The following CPNE8 variants were observed in gnomAD, a reference collection of about 807,000 sequenced individuals.
The protein encoded by CPNE8 is copine-8.
Under a neutral mutation model 81.5 loss-of-function variants are expected in CPNE8, and 45 were observed. The ratio of observed to expected loss-of-function variants is 0.55; its 90% CI spans 0.44 to 0.71. The LOEUF (loss-of-function observed/expected upper bound fraction) is 0.71, where lower values mean the gene tolerates loss of function less well. Ranked by LOEUF, CPNE8 falls within the 30% of genes least tolerant of loss-of-function variation. The pLI, the probability that CPNE8 is intolerant of heterozygous loss-of-function variation, is 0.00. For missense variants in CPNE8, 594 were observed against 672.1 expected (o/e 0.88, Z 1.28); for synonymous variants, 252 against 226.3 (o/e 1.11, Z -1.02).
chr12:38,865,092 C>T (rs529700977), intron 3 of CPNE8, among the ~76,000 whole-genome samples: 2 of 152,140 alleles, frequency 1.3e-5, no homozygotes, highest in East Asian at 1.9e-4. Flanking sequence ...TAGTAATCAT[C>T]GGCAAATCAA....
intron 3 of CPNE8, among the ~76,000 whole-genome samples, chr12:38,867,607 T>C (rs1434592644): frequency 1.3e-5 from 2 of 152,202 alleles, no homozygotes; most frequent in Non-Finnish European, 2.9e-5. Context: ...AATTCTATAA[T>C]TTTAAATGTT....
chr12:38,723,902 G>A, intron 12 of CPNE8, 69 bp from the exon 13 acceptor site: 1 of 861,930 alleles, frequency 1.2e-6, no homozygotes, highest in Non-Finnish European at 1.9e-6. Flanking sequence ...CTAATTATTA[G>A]AGAGAAAATC....
At chr12:38,811,891 G>T (rs761674244) in intron 6 of CPNE8, among the ~76,000 whole-genome samples, 3 of 152,124 alleles carry the variant, frequency 2.0e-5, no homozygotes, top group Non-Finnish European at 4.4e-5. Flanking sequence ...TGTATGTAGT[G>T]CTTACCCTTT....
intron 10 of CPNE8, among the ~76,000 whole-genome samples, chr12:38,731,768 A>T (rs1287805153): frequency 2.0e-5 from 3 of 151,976 alleles, no homozygotes; most frequent in Admixed American, 2.0e-4. Context: ...ATCACAAAAC[A>T]GCACTTTAGT....
intron 5 of CPNE8, among the ~76,000 whole-genome samples, chr12:38,831,761 G>T (rs1452356900): frequency 6.6e-6 from 1 of 152,094 alleles, no homozygotes; most frequent in African/African-American, 2.4e-5. Flanking sequence ...ATGACAGCTA[G>T]AAAGAACTGA....
intron 7 of CPNE8, among the ~76,000 whole-genome samples, chr12:38,774,648 T>G (rs997711749): frequency 1.3e-5 from 2 of 152,182 alleles, no homozygotes; most frequent in African/African-American, 4.8e-5. Context: ...TAGTTCACAT[T>G]TTTTGGTTTA....
chr12:38,821,699 T>C (rs1197101626), intron 6 of CPNE8, among the ~76,000 whole-genome samples: 1 of 152,218 alleles, frequency 6.6e-6, no homozygotes, highest in Non-Finnish European at 1.5e-5. Flanking sequence ...TCTTCATCTG[T>C]ATGACTTTAG....
rs748175765 is a variant in CPNE8, at chr12:38,848,670, AAG to A, written c.187-10_187-9del. ...TACTTCAGTTCTTCCAAACTGTGGA[AAG>A]AGAGAGAGAATTTAAAATTAAACCT... On this transcript the variant is annotated splice_polypyrimidine_tract_variant and intron_variant, in intron 3 of 19. Coordinates refer to ENST00000331366, the MANE Select transcript of CPNE8 (RefSeq NM_153634.3). The A allele has an allele frequency of 7.6e-6, 12 of 1,579,832 alleles. No individual in the cohort carries two copies. In the Admixed American group the frequency reaches 7.7e-5, roughly 10 times the overall value.
At chr12:38,775,923 T>C (rs73107196) in intron 7 of CPNE8, among the ~76,000 whole-genome samples, 1 of 152,134 alleles carries the variant, frequency 6.6e-6, no homozygotes, top group African/African-American at 2.4e-5. Flanking sequence ...TGCAAAAAAG[T>C]TTGCAGTAAT....
intron 15 of CPNE8, among the ~76,000 whole-genome samples, chr12:38,690,669 A>G (rs1444546471): frequency 6.6e-6 from 1 of 152,194 alleles, no homozygotes; most frequent in African/African-American, 2.4e-5. Flanking sequence ...GAAAAGCAGA[A>G]AAGGAGAAAA....
intron 13 of CPNE8, among the ~76,000 whole-genome samples, chr12:38,705,521 A>G (rs1052963928): frequency 6.6e-6 from 1 of 152,218 alleles, no homozygotes. Context: ...GGCTAAGAAT[A>G]TAGGCTAATT....
chr12:38,831,350 T>G (rs1381411613), intron 5 of CPNE8, among the ~76,000 whole-genome samples: 7 of 152,124 alleles, frequency 4.6e-5, no homozygotes, highest in South Asian at 4.1e-4. Flanking sequence ...AGCAGTGTAT[T>G]CAGAAGATTA....
intron 14 of CPNE8, among the ~76,000 whole-genome samples, chr12:38,694,563 A>C (rs544664222): frequency 6.6e-6 from 1 of 152,348 alleles, no homozygotes; most frequent in African/African-American, 2.4e-5. Context: ...CAGTTATTAT[A>C]GTCTGGGTCA....
Position 38,724,969 on chromosome 12 carries a change from A to T in CPNE8, c.799-70T>A, listed in dbSNP as rs182155369. The T allele has an allele frequency of 1.6e-4, 208 of 1,326,590 alleles. 1 individual carries two copies. The Admixed American group carries it at 4.1e-3, about 26-fold the overall frequency. 82.2% of individuals were successfully genotyped at this position (1,326,590 alleles called of 1,614,324 possible). On this transcript the variant is annotated intron_variant, in intron 11 of 19. Transcript: ENST00000331366. ...CGAAGTTTTATATTGAATTTTTAAA[A>T]ATGTGAAGTTTAACCTGCTGCCTTC...
intron 19 of CPNE8, among the ~76,000 whole-genome samples, chr12:38,664,429 AT>A (rs1046830796): frequency 6.6e-6 from 1 of 152,108 alleles, no homozygotes; most frequent in African/African-American, 2.4e-5. Flanking sequence ...TATATAGTCA[AT>A]ATAAAGCAAT....
At chr12:38,815,291 AC>A (rs1943006552) in intron 6 of CPNE8, among the ~76,000 whole-genome samples, 1 of 152,132 alleles carries the variant, frequency 6.6e-6, no homozygotes, top group Non-Finnish European at 1.5e-5. Context: ...GCCCCCCAGC[AC>A]TTACCCTTTC....
intron 1 of CPNE8, among the ~76,000 whole-genome samples, chr12:38,877,227 T>G (rs573168481): frequency 6.6e-6 from 1 of 152,320 alleles, no homozygotes; most frequent in Non-Finnish European, 1.5e-5. Flanking sequence ...AATAAATTCC[T>G]GTTCATAGAC....
chr12:38,842,649 C>A (rs573645473), intron 4 of CPNE8, among the ~76,000 whole-genome samples: 1 of 143,708 alleles, frequency 7.0e-6, no homozygotes, highest in Non-Finnish European at 1.5e-5. Context: ...AATCTCAGCT[C>A]ACAGCAACCT....
At chr12:38,809,254 T>C (rs1272780346) in intron 6 of CPNE8, among the ~76,000 whole-genome samples, 1 of 152,178 alleles carries the variant, frequency 6.6e-6, no homozygotes, top group African/African-American at 2.4e-5. Flanking sequence ...CTTGTGTTCT[T>C]ATCTGGAGGC....
Sources: allele counts gnomAD v4.1 joint callset (sites outside exome capture counted in the v4.1 genomes callset), GRCh38; gene constraint gnomAD v4.1.1; transcripts MANE v1.5; gene names NCBI Gene and HGNC (gene_info 2026-07-23, HGNC 2026-07-21).